The following FRMD4B variants were observed in gnomAD, a reference collection of about 807,000 sequenced individuals.
FRMD4B encodes FERM domain containing 4B.
A neutral mutation model predicts 141.5 loss-of-function variants in FRMD4B; 74 were observed. That is an observed-to-expected ratio of 0.52 (90% CI 0.43 to 0.63). The LOEUF is 0.63. Ranked by LOEUF, FRMD4B falls within the 30% of genes least tolerant of loss-of-function variation. The probability of loss-of-function intolerance (pLI) is 0.00; values close to 1 mark genes in which losing one functional copy is unlikely to be tolerated. For missense variants in FRMD4B, 1,366 were observed against 1,253.4 expected, an observed-to-expected ratio of 1.09 and a Z score of -1.36; for synonymous variants, 506 against 467.9, an observed-to-expected ratio of 1.08 and a Z score of -1.05.
At chr3:69,182,921 T>A (rs1345485220) in intron 19 of FRMD4B, among the ~76,000 whole-genome samples, 3 of 152,064 alleles carry the variant, frequency 2.0e-5, no homozygotes, top group Admixed American at 2.0e-4. Context: ...ACTTTCTGAG[T>A]CACAAATATG....
intron 1 of FRMD4B, among the ~76,000 whole-genome samples, chr3:69,498,192 C>G (rs551538355): frequency 2.6e-5 from 4 of 152,152 alleles, no homozygotes; most frequent in Admixed American, 6.5e-5. Context: ...CAAGTGAGAA[C>G]TGAGGAGGAC....
intron 19 of FRMD4B, among the ~76,000 whole-genome samples, chr3:69,183,835 A>G (rs1325373991): frequency 6.6e-6 from 1 of 152,018 alleles, no homozygotes; most frequent in African/African-American, 2.4e-5. Context: ...TACTTACTAC[A>G]AAAGCAAGTC....
intron 2 of FRMD4B, among the ~76,000 whole-genome samples, chr3:69,395,055 A>T (rs1252440393): frequency 1.3e-5 from 2 of 152,064 alleles, no homozygotes; most frequent in African/African-American, 2.4e-5. Flanking sequence ...TAGGACAAAT[A>T]CCTAATGTAA....
intron 1 of FRMD4B, among the ~76,000 whole-genome samples, chr3:69,533,078 C>G (rs1701026760): frequency 6.6e-6 from 1 of 152,212 alleles, no homozygotes; most frequent in African/African-American, 2.4e-5. Flanking sequence ...AAATTCCACT[C>G]TGGTAATAGT....
chr3:69,427,653 T>TTTG (rs1553642075), intron 2 of FRMD4B, among the ~76,000 whole-genome samples: 6 of 120,930 alleles, frequency 5.0e-5, no homozygotes, highest in African/African-American at 2.0e-4. Flanking sequence ...GTTTTTTTTT[T>TTTG]TTTTTTTTTT....
intron 1 of FRMD4B, among the ~76,000 whole-genome samples, chr3:69,443,980 G>A (rs916609535): frequency 2.6e-5 from 4 of 152,140 alleles, no homozygotes; most frequent in Admixed American, 6.6e-5. Flanking sequence ...CTTTTGAGAT[G>A]TTTTTCAGAC....
At chr3:69,475,697 T>C (rs1336920949) in intron 1 of FRMD4B, among the ~76,000 whole-genome samples, 4 of 152,138 alleles carry the variant, frequency 2.6e-5, no homozygotes, top group Non-Finnish European at 5.9e-5. Context: ...AGAAGCATGA[T>C]TTATAATCCT....
At chr3:69,472,301 CT>C (rs1006240382) in intron 1 of FRMD4B, 220 of 415,878 alleles carry the variant, frequency 5.3e-4, no homozygotes, top group African/African-American at 6.3e-4. Context: ...TTCTCTGCAA[CT>C]TTTTTTTTCT....
At chr3:69,173,484 T>C (rs2092609918) in intron 22 of FRMD4B, among the ~76,000 whole-genome samples, 1 of 152,216 alleles carries the variant, frequency 6.6e-6, no homozygotes, top group African/African-American at 2.4e-5. Context: ...AATCTAGTTT[T>C]TCATTTTTAT....
chr3:69,325,085 A>AAAAAAAG (rs1702145477), intron 1 of FRMD4B, among the ~76,000 whole-genome samples: 1 of 79,996 alleles, frequency 1.3e-5, no homozygotes, highest in Non-Finnish European at 2.5e-5. Flanking sequence ...TAAAAAAAAA[A>AAAAAAAG]AAAGAAAGAA....
intron 11 of FRMD4B, among the ~76,000 whole-genome samples, chr3:69,200,207 G>A (rs1212818963): frequency 6.6e-6 from 1 of 152,032 alleles, no homozygotes; most frequent in African/African-American, 2.4e-5. Flanking sequence ...ACGTATGCAG[G>A]CATGGGAAAA....
intron 2 of FRMD4B, among the ~76,000 whole-genome samples, chr3:69,396,014 T>G (rs928893531): frequency 6.6e-6 from 1 of 152,208 alleles, no homozygotes; most frequent in African/African-American, 2.4e-5. Context: ...TTATAGATAA[T>G]TTTGGTTTAT....
intron 1 of FRMD4B, among the ~76,000 whole-genome samples, chr3:69,461,011 G>T (rs943503788): frequency 3.9e-5 from 6 of 152,140 alleles, no homozygotes; most frequent in Non-Finnish European, 7.3e-5. Flanking sequence ...ATCACATTTG[G>T]ATATTAGCAT....
chr3:69,268,307 G>A (rs2093577633), intron 5 of FRMD4B, among the ~76,000 whole-genome samples: 1 of 152,012 alleles, frequency 6.6e-6, no homozygotes, highest in South Asian at 2.1e-4. Context: ...AGACAGGCAG[G>A]CAGCCTAAAT....
intron 1 of FRMD4B, among the ~76,000 whole-genome samples, chr3:69,445,139 G>C (rs1705393431): frequency 6.6e-6 from 1 of 152,184 alleles, no homozygotes; most frequent in South Asian, 2.1e-4. Flanking sequence ...ACAGCAGCCA[G>C]AAAGGGTTTG....
In FRMD4B at chr3:69,481,235, C is replaced by CT. The variant is rs760238163; in HGVS notation, c.-128-48475dup. 5.9e-5 allele frequency among the ~76,000 whole-genome samples: 9 copies of CT among 152,288 alleles called. No homozygotes were observed. In the East Asian group the frequency reaches 9.7e-4, roughly 16 times the overall value. On this transcript the variant is annotated intron_variant, in intron 1 of 5. Transcript: ENST00000459638. ...GCACCCACTGTCCTGCGCCCACTGT[C>CT]TGGCACTCCCTAGTGAGATGAACCT...
chr3:69,338,320 G>A (rs188647773), intron 1 of FRMD4B, among the ~76,000 whole-genome samples: 57 of 152,280 alleles, frequency 3.7e-4, no homozygotes, highest in Non-Finnish European at 6.9e-4. Context: ...GTGGGGAGAG[G>A]GGGGAGGGAT....
intron 1 of FRMD4B, among the ~76,000 whole-genome samples, chr3:69,496,942 A>G (rs1706412076): frequency 6.6e-6 from 1 of 151,722 alleles, no homozygotes; most frequent in Non-Finnish European, 1.5e-5. Flanking sequence ...TCCCAATAAC[A>G]GCTTGCTTCC....
At chr3:69,378,576 A>T (rs1704033959) in intron 1 of FRMD4B, among the ~76,000 whole-genome samples, 1 of 152,180 alleles carries the variant, frequency 6.6e-6, no homozygotes, top group African/African-American at 2.4e-5. Context: ...TGACTGATAC[A>T]CTGACATCAC....
Sources: allele counts gnomAD v4.1 joint callset (sites outside exome capture counted in the v4.1 genomes callset), GRCh38; gene constraint gnomAD v4.1.1; transcripts MANE v1.5; gene names NCBI Gene and HGNC (gene_info 2026-07-23, HGNC 2026-07-21).